Variants in KAT2B observed in about 807,000 individuals in gnomAD.
The protein encoded by KAT2B is lysine acetyltransferase 2B.
KAT2B carries 36 observed loss-of-function variants against 105.9 expected under a neutral mutation model. That is an observed-to-expected ratio of 0.34 (90% confidence interval 0.26 to 0.45). The LOEUF is 0.45. Among genes scored for constraint, KAT2B ranks in the 20% least tolerant of loss-of-function variants. The pLI, the probability that KAT2B is intolerant of heterozygous loss-of-function variation, is 1.00. For missense variants in KAT2B, 820 were observed against 1,021.6 expected, an observed-to-expected ratio of 0.80 and a Z score of 2.69; for synonymous variants, 397 against 377.9, an observed-to-expected ratio of 1.05 and a Z score of -0.59.
At chr3:20,057,053 A>G (rs569765719) in intron 1 of KAT2B, among the ~76,000 whole-genome samples, 9 of 152,238 alleles carry the variant, frequency 5.9e-5, no homozygotes, top group African/African-American at 2.2e-4. Flanking sequence ...GGGAGGAAGT[A>G]TTTCTTCTAG....
At chr3:20,045,097 C>G (rs1697785159) in intron 1 of KAT2B, among the ~76,000 whole-genome samples, 1 of 152,058 alleles carries the variant, frequency 6.6e-6, no homozygotes, top group African/African-American at 2.4e-5. Context: ...TCACTGCAAC[C>G]TGTACCTCCC....
rs1418332079 is a variant in KAT2B, at chr3:20,121,588, CA to C, written c.1277-1074del. Reference sequence around the variant, plus strand: ...CACTTTGTGAGGCATCATTTTAGGGCAAAAAAGCATTGTAAAAGATAAAGTG... The same window carrying C: ...CACTTTGTGAGGCATCATTTTAGGGCAAAAAGCATTGTAAAAGATAAAGTG... On this transcript the variant is annotated intron_variant, in intron 8 of 17. Coordinates refer to ENST00000263754, the MANE Select transcript of KAT2B (RefSeq NM_003884.5). Among the ~76,000 whole-genome samples, 3 of 151,426 alleles carry C rather than the reference CA, an allele frequency of 2.0e-5. No homozygotes were observed. In the South Asian group the frequency reaches 6.3e-4, roughly 32 times the overall value.
intron 1 of KAT2B, among the ~76,000 whole-genome samples, chr3:20,054,771 G>A (rs1196695695): frequency 6.6e-6 from 1 of 152,204 alleles, no homozygotes; most frequent in African/African-American, 2.4e-5. Flanking sequence ...AGATGCCAAG[G>A]TCAGCATACT....
chr3:20,130,885 G>C (rs1041280798), intron 11 of KAT2B, among the ~76,000 whole-genome samples: 1 of 151,056 alleles, frequency 6.6e-6, no homozygotes, highest in East Asian at 1.9e-4. Context: ...GCATGTGTGT[G>C]TTTTTTAATG....
chr3:20,056,296 A>G (rs1023597877), intron 1 of KAT2B, among the ~76,000 whole-genome samples: 4 of 152,158 alleles, frequency 2.6e-5, no homozygotes, highest in African/African-American at 9.7e-5. Flanking sequence ...TGGTGATGAA[A>G]AGACAGAAAT....
At chr3:20,061,050 A>T (rs997287536) in intron 1 of KAT2B, among the ~76,000 whole-genome samples, 1 of 152,188 alleles carries the variant, frequency 6.6e-6, no homozygotes, top group African/African-American at 2.4e-5. Context: ...TAAGAAATTC[A>T]CATTATTGTG....
intron 4 of KAT2B, 79 bp downstream of exon 4, chr3:20,100,033 T>A: frequency 1.3e-6 from 1 of 758,074 alleles, no homozygotes; most frequent in Non-Finnish European, 2.3e-6. Context: ...TATCTCTATC[T>A]ACGGCTTCCC....
intron 12 of KAT2B, among the ~76,000 whole-genome samples, chr3:20,138,926 C>T (rs1243853337): frequency 6.6e-6 from 1 of 152,114 alleles, no homozygotes; most frequent in African/African-American, 2.4e-5. Flanking sequence ...CAGGGTCTTA[C>T]ACTGTCACCA....
chr3:20,082,336 C>T (rs1238565516), intron 2 of KAT2B, among the ~76,000 whole-genome samples: 3 of 152,048 alleles, frequency 2.0e-5, no homozygotes, highest in East Asian at 1.9e-4. Flanking sequence ...CACCCGGCCA[C>T]GGTTTTCTCT....
At chr3:20,140,744 G>A (rs12488589) in intron 13 of KAT2B, among the ~76,000 whole-genome samples, 4 of 151,844 alleles carry the variant, frequency 2.6e-5, no homozygotes, top group Non-Finnish European at 5.9e-5. Flanking sequence ...CACCTGCCTC[G>A]GCCTCCCAAA....
chr3:20,045,839 G>C (rs1221109891), intron 1 of KAT2B, among the ~76,000 whole-genome samples: 4 of 152,188 alleles, frequency 2.6e-5, no homozygotes, highest in African/African-American at 9.7e-5. Context: ...CCGCCTCATG[G>C]CATAACAGTG....
rs1013942628 is a variant in KAT2B at position 20,131,750 on chromosome 3, G to A, written c.1749+4201G>A. Among the ~76,000 whole-genome samples, 3 of 151,838 alleles carry A rather than the reference G, an allele frequency of 2.0e-5. No homozygotes were observed. The South Asian group carries it at 6.2e-4, about 31-fold the overall frequency. ...GCCTGGCTAATTTATTTTTTGTAGA[G>A]ATAGGGTCTCCCTGTGTTGCCCAGG... On this transcript the variant is annotated intron_variant, in intron 11 of 17. Coordinates refer to ENST00000263754, the MANE Select transcript of KAT2B (RefSeq NM_003884.5).
At chr3:20,116,099 T>C (rs1699202709) in intron 7 of KAT2B, among the ~76,000 whole-genome samples, 1 of 152,064 alleles carries the variant, frequency 6.6e-6, no homozygotes, top group Non-Finnish European at 1.5e-5. Context: ...TTTTCTAACC[T>C]GAGATCGTAA....
intron 1 of KAT2B, among the ~76,000 whole-genome samples, chr3:20,059,684 G>A (rs745830913): frequency 1.3e-5 from 2 of 152,116 alleles, no homozygotes; most frequent in Admixed American, 6.6e-5. Flanking sequence ...CAGCCTGGGC[G>A]ACTGAGCGAG....
rs143535597 is a variant in KAT2B, at chr3:20,109,709, C to T, written c.852-1887C>T. On this transcript the variant is annotated intron_variant, in intron 5 of 17. Coordinates refer to ENST00000263754, the MANE Select transcript of KAT2B (RefSeq NM_003884.5). ...GAAAGCAATGAATTTCTATATGAAG[C>T]ACCTTATGAATTACAAAATAAATGC... Among the ~76,000 whole-genome samples, 408 of 152,218 alleles carry T rather than the reference C, an allele frequency of 2.7e-3. 2 individuals are homozygous for T. The highest frequency in any genetic ancestry group is 3.9e-3 in the Admixed American group (60 of 15,294).
At chr3:20,125,563 G>A (rs965533814) in intron 9 of KAT2B, among the ~76,000 whole-genome samples, 2 of 152,176 alleles carry the variant, frequency 1.3e-5, no homozygotes, top group Non-Finnish European at 2.9e-5. Flanking sequence ...AGAAGAAGGA[G>A]TAGTTGTGAC....
chr3:20,067,703 C>T (rs183561954), intron 1 of KAT2B, among the ~76,000 whole-genome samples: 2 of 152,260 alleles, frequency 1.3e-5, no homozygotes, highest in East Asian at 3.9e-4. Context: ...GAGACAGGGT[C>T]TCACTCTGTC....
chr3:20,047,605 C>G (rs955894549), intron 1 of KAT2B, among the ~76,000 whole-genome samples: 1 of 111,140 alleles, frequency 9.0e-6, no homozygotes, highest in Non-Finnish European at 1.9e-5. Context: ...GCCGTGAGTA[C>G]CTTTTTTTTT....
chr3:20,100,523 C>T (rs965293973), intron 4 of KAT2B, among the ~76,000 whole-genome samples: 11 of 152,144 alleles, frequency 7.2e-5, no homozygotes, highest in South Asian at 2.1e-4. Context: ...ACTTTTTTAG[C>T]CTTTGATTGT....
Sources: allele counts gnomAD v4.1 joint callset (sites outside exome capture counted in the v4.1 genomes callset), GRCh38; gene constraint gnomAD v4.1.1; transcripts MANE v1.5; gene names NCBI Gene and HGNC (gene_info 2026-07-23, HGNC 2026-07-21).